Variants in ST8SIA1 observed in about 807,000 individuals in gnomAD.
The protein encoded by ST8SIA1 is ST8 alpha-N-acetyl-neuraminide alpha-2,8-sialyltransferase 1, also known as alpha-N-acetylneuraminide alpha-2,8-sialyltransferase.
A neutral mutation model predicts 35.9 loss-of-function variants in ST8SIA1; 16 were observed. The observed-to-expected ratio is 0.45, with a 90% CI of 0.30 to 0.68. The LOEUF is 0.68. ST8SIA1 is among the 30% of genes least tolerant of loss of function. The probability of loss-of-function intolerance (pLI) is 0.09; values close to 1 mark genes in which losing one functional copy is unlikely to be tolerated. For synonymous variants in ST8SIA1, 170 were observed against 169.6 expected (o/e 1.00, Z -0.02); for missense variants, 383 against 453.6 (o/e 0.84, Z 1.41).
intron 2 of ST8SIA1, among the ~76,000 whole-genome samples, chr12:22,282,795 G>A (rs1866052428): frequency 6.6e-6 from 1 of 152,074 alleles, no homozygotes; most frequent in Admixed American, 6.5e-5. Context: ...CCAGACATTA[G>A]ACCCCTTAGT....
intron 4 of ST8SIA1, among the ~76,000 whole-genome samples, chr12:22,239,204 A>G (rs1865511343): frequency 6.6e-6 from 1 of 152,150 alleles, no homozygotes; most frequent in African/African-American, 2.4e-5. Context: ...AAAAATTTTA[A>G]TTGATCTGCT....
At chr12:22,215,505 G>A (rs1201265819) in intron 4 of ST8SIA1, among the ~76,000 whole-genome samples, 2 of 152,166 alleles carry the variant, frequency 1.3e-5, no homozygotes, top group Non-Finnish European at 2.9e-5. Context: ...AATAAAGTGG[G>A]ATAATAAGAA....
chr12:22,321,208 A>T lies in ST8SIA1; in HGVS notation c.236+12789T>A, dbSNP rs1411248288. On this transcript the variant is annotated intron_variant, in intron 1 of 4. Transcript: ENST00000396037. Reference sequence around the variant, plus strand: ...AAGGGAGACGGAAAGATAGATGGTGAGGCTGAGAGGGGTGGGAGAGAAAGA... The same window carrying T: ...AAGGGAGACGGAAAGATAGATGGTGTGGCTGAGAGGGGTGGGAGAGAAAGA... Among the ~76,000 whole-genome samples, 4 of 152,232 alleles carry T rather than the reference A, an allele frequency of 2.6e-5. No homozygotes were observed. The East Asian group carries it at 7.8e-4, about 30-fold the overall frequency.
At chr12:22,223,614 A>C (rs1017109761) in intron 4 of ST8SIA1, 2 of 1,130,252 alleles carry the variant, frequency 1.8e-6, no homozygotes, top group Non-Finnish European at 2.2e-6. Context: ...TGGAGTGAGC[A>C]GCTGAAGTTG....
chr12:22,276,043 T>A (rs970205604), intron 2 of ST8SIA1, among the ~76,000 whole-genome samples: 8 of 152,312 alleles, frequency 5.3e-5, no homozygotes, highest in African/African-American at 1.9e-4. Flanking sequence ...AGGGAGGATC[T>A]AGCGCAGCAG....
intron 4 of ST8SIA1, among the ~76,000 whole-genome samples, chr12:22,248,192 T>A (rs1359880035): frequency 6.6e-6 from 1 of 152,182 alleles, no homozygotes; most frequent in East Asian, 1.9e-4. Context: ...TGAACACACA[T>A]GCTGATCACT....
chr12:22,314,875 C>T (rs1866498808), intron 1 of ST8SIA1, among the ~76,000 whole-genome samples: 1 of 152,188 alleles, frequency 6.6e-6, no homozygotes, highest in Non-Finnish European at 1.5e-5. Context: ...CAAACTCCAA[C>T]TGAAGCTCAT....
chr12:22,221,135 T>G (rs1865294667), intron 4 of ST8SIA1, among the ~76,000 whole-genome samples: 1 of 152,104 alleles, frequency 6.6e-6, no homozygotes, highest in African/African-American at 2.4e-5. Context: ...CCAGTCTCCT[T>G]GGAGAAGCAT....
intron 1 of ST8SIA1, among the ~76,000 whole-genome samples, chr12:22,322,420 A>G (rs1461963309): frequency 6.6e-6 from 1 of 152,256 alleles, no homozygotes; most frequent in Admixed American, 6.5e-5. Context: ...AGGAGTGAAT[A>G]CATGAATTAG....
intron 1 of ST8SIA1, among the ~76,000 whole-genome samples, chr12:22,309,330 C>A (rs889932653): frequency 6.6e-6 from 1 of 152,080 alleles, no homozygotes; most frequent in African/African-American, 2.4e-5. Flanking sequence ...GCTGCCCCTC[C>A]TTTTTGCCTG....
chr12:22,327,439 A>C (rs1361609432), intron 1 of ST8SIA1, among the ~76,000 whole-genome samples: 1 of 152,182 alleles, frequency 6.6e-6, no homozygotes, highest in Non-Finnish European at 1.5e-5. Context: ...AGGATTGTAC[A>C]TACCAGGGGG....
At chr12:22,305,428 T>C (rs1866372446) in intron 1 of ST8SIA1, among the ~76,000 whole-genome samples, 1 of 150,926 alleles carries the variant, frequency 6.6e-6, no homozygotes, top group South Asian at 2.1e-4. Flanking sequence ...TCTCCCAGGC[T>C]GGAGTGCAAT....
intron 4 of ST8SIA1, among the ~76,000 whole-genome samples, chr12:22,212,499 T>C (rs542773737): frequency 3.9e-4 from 60 of 152,190 alleles, no homozygotes; most frequent in Non-Finnish European, 4.9e-4. Flanking sequence ...ATTTTATGGG[T>C]GTGTTTCTTC....
chr12:22,276,125 C>T (rs530638690), intron 2 of ST8SIA1, among the ~76,000 whole-genome samples: 44 of 152,300 alleles, frequency 2.9e-4, no homozygotes, highest in African/African-American at 9.9e-4. Flanking sequence ...AAGGACTGGG[C>T]TTGTCACTGG....
At chr12:22,296,682 T>C (rs1251353397) in intron 1 of ST8SIA1, among the ~76,000 whole-genome samples, 1 of 152,216 alleles carries the variant, frequency 6.6e-6, no homozygotes, top group Admixed American at 6.5e-5. Context: ...AGTGGGTATC[T>C]ATCACATCTG....
At chr12:22,311,297 A>C (rs533260771) in intron 1 of ST8SIA1, among the ~76,000 whole-genome samples, 118 of 152,292 alleles carry the variant, frequency 7.7e-4, no homozygotes, top group African/African-American at 2.7e-3. Flanking sequence ...GAGGACACAC[A>C]GACTGCCACC....
Position 22,196,782 on chromosome 12 carries a change from T to C in ST8SIA1, c.*4770A>G, listed in dbSNP as rs1864994117. On this transcript the variant is annotated 3_prime_UTR_variant, in exon 5 of 5. Transcript: ENST00000396037. ...AGACTCTGCCACAAAACACCCACAT[T>C]TAGACAGCACGAGTTTAAGCAAAAA... 1 of 152,236 alleles carries C rather than the reference T, an allele frequency of 6.6e-6. No individual in the cohort carries two copies. The highest frequency in any genetic ancestry group is 1.5e-5 in the Non-Finnish European group (1 of 68,070). 9.4% of individuals were successfully genotyped at this position (152,236 alleles called of 1,614,324 possible). A position where few individuals can be genotyped will look rare whatever the true frequency, so the allele number is the denominator to read the frequency against.
chr12:22,200,738 T>C lies in ST8SIA1; in HGVS notation c.*814A>G, dbSNP rs1216127510. 4 of 152,316 alleles carry C rather than the reference T, an allele frequency of 2.6e-5. No individual in the cohort carries two copies. The highest frequency in any genetic ancestry group is 2.1e-4 in the South Asian group (1 of 4,826). The allele number at this position is 152,316 out of a possible 1,614,324, so 9.4% of individuals were successfully genotyped here. A position where few individuals can be genotyped will look rare whatever the true frequency, so the allele number is the denominator to read the frequency against. On this transcript the variant is annotated 3_prime_UTR_variant, in exon 5 of 5. Coordinates refer to ENST00000396037, the MANE Select transcript of ST8SIA1 (RefSeq NM_003034.4). ...TTTACAAACAAATAATTCACTCATA[T>C]TGGTAGTCTTTTGCACTAAAATAAA...
At chr12:22,298,355 T>G (rs74068552) in intron 1 of ST8SIA1, among the ~76,000 whole-genome samples, 4,103 of 152,188 alleles carry the variant, frequency 0.027, 198 homozygotes, top group African/African-American at 0.094. Flanking sequence ...TCGGGGGCAG[T>G]CTCAGGGACT....
Sources: allele counts gnomAD v4.1 joint callset (sites outside exome capture counted in the v4.1 genomes callset), GRCh38; gene constraint gnomAD v4.1.1; transcripts MANE v1.5; gene names NCBI Gene and HGNC (gene_info 2026-07-23, HGNC 2026-07-21).